The following PRDM5 variants were observed in gnomAD, a reference collection of about 807,000 sequenced individuals.
The protein encoded by PRDM5 is PR domain zinc finger protein 5.
PRDM5 carries 56 observed loss-of-function variants against 81.2 expected under a neutral mutation model. That is an observed-to-expected ratio of 0.69 (90% CI 0.56 to 0.86). PRDM5 has a LOEUF of 0.86. PRDM5 is among the 40% of genes least tolerant of loss of function. The pLI, the probability that PRDM5 is intolerant of heterozygous loss-of-function variation, is 0.00. For missense variants in PRDM5, 697 were observed against 770.1 expected (o/e 0.91, Z 1.12); for synonymous variants, 267 against 256.4 (o/e 1.04, Z -0.39).
At chr4:120,704,025 T>A (rs1173757625) in intron 15 of PRDM5, among the ~76,000 whole-genome samples, 7 of 152,068 alleles carry the variant, frequency 4.6e-5, no homozygotes, top group African/African-American at 1.7e-4. Flanking sequence ...ATTTACACAG[T>A]TACCATGGGA....
chr4:120,858,394 ATTGT>A (rs1280584813), intron 2 of PRDM5, among the ~76,000 whole-genome samples: 10 of 148,848 alleles, frequency 6.7e-5, no homozygotes, highest in African/African-American at 2.2e-4. Flanking sequence ...CTGACGGCAC[ATTGT>A]TTGTCAGATT....
chr4:120,699,681 CA>C (rs767011345), intron 15 of PRDM5, among the ~76,000 whole-genome samples: 4 of 152,034 alleles, frequency 2.6e-5, no homozygotes, highest in Non-Finnish European at 5.9e-5. Context: ...TAGCCACATA[CA>C]AAAAGTACTT....
chr4:120,838,918 G>A, intron 3 of PRDM5: 1 of 419,100 alleles, frequency 2.4e-6, no homozygotes. Context: ...GTGGGGTCTG[G>A]CCAATGCACA....
At chr4:120,816,385 T>A (rs775192017) in intron 7 of PRDM5, 68 bp downstream of exon 7, 90 of 1,612,896 alleles carry the variant, frequency 5.6e-5, no homozygotes, top group Non-Finnish European at 7.0e-5. Context: ...GAGCGAGAAT[T>A]AAAAACAGAT....
chr4:120,870,668 A>G (rs764110156), intron 2 of PRDM5, among the ~76,000 whole-genome samples: 1 of 152,198 alleles, frequency 6.6e-6, no homozygotes, highest in Non-Finnish European at 1.5e-5. Flanking sequence ...GTGAAGCTGT[A>G]AAGAGTCAAG....
chr4:120,712,610 A>G (rs1360830160), intron 14 of PRDM5, among the ~76,000 whole-genome samples: 2 of 152,180 alleles, frequency 1.3e-5, no homozygotes, highest in African/African-American at 2.4e-5. Context: ...CTACCTATGT[A>G]TGAATGGAAC....
At chr4:120,790,134 C>T (rs1312902918) in intron 10 of PRDM5, among the ~76,000 whole-genome samples, 2 of 152,174 alleles carry the variant, frequency 1.3e-5, no homozygotes, top group African/African-American at 4.8e-5. Context: ...TAATTAAGGA[C>T]GCTTCTCACA....
At chr4:120,734,191 C>A (rs1303979258) in intron 14 of PRDM5, among the ~76,000 whole-genome samples, 1 of 151,896 alleles carries the variant, frequency 6.6e-6, no homozygotes, top group African/African-American at 2.4e-5. Flanking sequence ...GCTAAGCCAC[C>A]TGGGCTCCAT....
intron 11 of PRDM5, among the ~76,000 whole-genome samples, chr4:120,784,273 T>C (rs1749444853): frequency 1.3e-5 from 2 of 152,116 alleles, no homozygotes; most frequent in Admixed American, 1.3e-4. Flanking sequence ...CGTTAGACTT[T>C]CATGGTGCGT....
intron 2 of PRDM5, among the ~76,000 whole-genome samples, chr4:120,876,913 T>C (rs1246566327): frequency 1.3e-5 from 2 of 152,184 alleles, no homozygotes. Flanking sequence ...GGGAGAGCAG[T>C]CAAATCCAGA....
chr4:120,821,318 C>T lies in PRDM5; in HGVS notation c.328G>A (p.Val110Ile), dbSNP rs1755238019. ...TCCGTGTCTGTTTCTATATCTTCAA[C>T]TGCCAAATAGAAAATGTTTTCTCCT... ...QEGENIFYLA[V>I]EDIETDTELL... The change falls in exon 4 of 16, where the codon GTT (valine) becomes ATT (isoleucine). Residue 110 changes from valine (V) to isoleucine (I), a missense_variant. By Grantham distance (29) the Val-to-Ile change is conservative (BLOSUM62 3). This residue lies in a region of PRDM5 where 577 missense variants were observed against 606.7 expected (regional missense o/e 0.95). Coordinates refer to ENST00000264808, the MANE Select transcript of PRDM5 (RefSeq NM_018699.4). 1 of 1,614,020 alleles carries T rather than the reference C, an allele frequency of 6.2e-7. No homozygotes were observed.
At chr4:120,744,574 C>T (rs184004045) in intron 14 of PRDM5, among the ~76,000 whole-genome samples, 7,018 of 151,932 alleles carry the variant, frequency 0.046, 285 homozygotes, top group African/African-American at 0.11. Flanking sequence ...ATCAAATAGA[C>T]GCAAGAAAAA....
At chr4:120,745,134 A>T (rs1337344864) in intron 14 of PRDM5, among the ~76,000 whole-genome samples, 1 of 104,536 alleles carries the variant, frequency 9.6e-6, no homozygotes, top group Non-Finnish European at 1.9e-5. Context: ...AATATACGCA[A>T]ATCAATAAAT....
chr4:120,816,826 C>A lies in PRDM5; in HGVS notation c.743+6G>T. 6.2e-7 allele frequency: 1 copy of A among 1,612,030 alleles called. No homozygotes were observed. Among genetic ancestry groups the A allele is most frequent in the Non-Finnish European group, 8.5e-7 (1 of 1,178,110 alleles). On this transcript the variant is annotated splice_donor_region_variant and intron_variant, in intron 6 of 15. Coordinates refer to ENST00000264808, the MANE Select transcript of PRDM5 (RefSeq NM_018699.4). ...TAACAGCCATTTCATAACTCAGACA[C>A]AAAACCTCGATGCTGAACTGAAGGA...
intron 13 of PRDM5, among the ~76,000 whole-genome samples, chr4:120,756,406 A>T (rs1017095360): frequency 2.0e-5 from 3 of 152,336 alleles, no homozygotes; most frequent in African/African-American, 7.2e-5. Flanking sequence ...GAGCCATCCA[A>T]GATAACCCCA....
intron 10 of PRDM5, among the ~76,000 whole-genome samples, chr4:120,792,364 C>G (rs1750698920): frequency 1.3e-5 from 2 of 152,280 alleles, no homozygotes; most frequent in South Asian, 4.2e-4. Context: ...ACAACTCGAG[C>G]TCCAAAACTG....
intron 2 of PRDM5, among the ~76,000 whole-genome samples, chr4:120,903,204 A>G (rs1340246539): frequency 6.6e-6 from 1 of 152,170 alleles, no homozygotes; most frequent in Non-Finnish European, 1.5e-5. Flanking sequence ...TGTGGTTAGC[A>G]CCATAGATAT....
intron 2 of PRDM5, among the ~76,000 whole-genome samples, chr4:120,887,688 C>G (rs894802635): frequency 3.9e-5 from 6 of 152,156 alleles, no homozygotes; most frequent in Non-Finnish European, 8.8e-5. Flanking sequence ...GTTTCTTCAC[C>G]TAGTTCTTCT....
intron 14 of PRDM5, among the ~76,000 whole-genome samples, chr4:120,724,700 A>G (rs1739136909): frequency 6.6e-6 from 1 of 152,196 alleles, no homozygotes; most frequent in African/African-American, 2.4e-5. Flanking sequence ...GCCTTAGAAA[A>G]GGGATATCTA....
Sources: allele counts gnomAD v4.1 joint callset (sites outside exome capture counted in the v4.1 genomes callset), GRCh38; gene constraint gnomAD v4.1.1; regional missense constraint gnomAD v4.1.1; transcripts MANE v1.5; gene names NCBI Gene and HGNC (gene_info 2026-07-23, HGNC 2026-07-21).